The following CREBBP variants were observed in gnomAD, a reference collection of about 807,000 sequenced individuals.
The protein encoded by CREBBP is CREB binding lysine acetyltransferase.
In CREBBP, 19 loss-of-function variants were observed where a neutral mutation model predicts 265.0. That is an observed-to-expected ratio of 0.07 (90% CI 0.05 to 0.11). The LOEUF is 0.11. Among genes scored for constraint, CREBBP ranks in the 10% least tolerant of loss-of-function variants. The pLI, the probability that CREBBP is intolerant of heterozygous loss-of-function variation, is 1.00. For synonymous variants in CREBBP, 1,457 were observed against 1,223.7 expected (o/e 1.19, Z -3.98); for missense variants, 2,525 against 3,219.0 (o/e 0.78, Z 5.22).
At chr16:3,849,040 C>T (rs2054727287) in intron 2 of CREBBP, among the ~76,000 whole-genome samples, 1 of 152,162 alleles carries the variant, frequency 6.6e-6, no homozygotes, top group South Asian at 2.1e-4. Context: ...TACTCTTATT[C>T]TCCCTCACCC....
chr16:3,801,566 A>G (rs1166199630), intron 3 of CREBBP, among the ~76,000 whole-genome samples: 1 of 152,154 alleles, frequency 6.6e-6, no homozygotes, highest in Non-Finnish European at 1.5e-5. Context: ...GCTACTCGGG[A>G]GGCTGAGGCA....
chr16:3,827,100 C>A (rs556794371), intron 2 of CREBBP, among the ~76,000 whole-genome samples: 1 of 151,524 alleles, frequency 6.6e-6, no homozygotes, highest in Non-Finnish European at 1.5e-5. Flanking sequence ...GGCTGTAGTA[C>A]ACTATAATTG....
At chr16:3,764,910 A>G (rs1462269290) in intron 16 of CREBBP, among the ~76,000 whole-genome samples, 1 of 152,090 alleles carries the variant, frequency 6.6e-6, no homozygotes, top group Non-Finnish European at 1.5e-5. Flanking sequence ...GAGATAGTAA[A>G]AAGTATTCCT....
At chr16:3,767,494 G>A (rs1414068950) in intron 16 of CREBBP, 2 of 617,054 alleles carry the variant, frequency 3.2e-6, no homozygotes, top group Non-Finnish European at 5.6e-6. Context: ...GGGTGCCCTC[G>A]GAGCAGCAGC....
At chr16:3,786,100 T>C (rs1219483914) in intron 5 of CREBBP, among the ~76,000 whole-genome samples, 1 of 152,230 alleles carries the variant, frequency 6.6e-6, no homozygotes, top group Non-Finnish European at 1.5e-5. Flanking sequence ...CAGTGGCTCA[T>C]GCCTGTAATC....
At chr16:3,745,202 A>AT in intron 22 of CREBBP, 75 bp downstream of exon 22, 1 of 1,257,322 alleles carries the variant, frequency 8.0e-7, no homozygotes, top group Non-Finnish European at 1.1e-6. Flanking sequence ...AATGAATGAG[A>AT]TGCAGTAGCC....
At position 3,769,171 on chromosome 16, in the gene CREBBP, C is replaced by A. The variant is rs758263259; in HGVS notation, c.3060+3G>T. The A allele has an allele frequency of 1.9e-6, 3 of 1,614,022 alleles. No individual in the cohort carries two copies. Among genetic ancestry groups the A allele is most frequent in the Non-Finnish European group, 2.5e-6 (3 of 1,180,050 alleles). ...CAATGCATTCCTAGGGAGCGGCACC[C>A]ACCTCAGACCTGGGCTCCCCTTTGG... On this transcript the variant is annotated splice_donor_region_variant and intron_variant, in intron 15 of 30. Coordinates refer to ENST00000262367, the MANE Select transcript of CREBBP (RefSeq NM_004380.3).
At position 3,744,913 on chromosome 16, in the gene CREBBP, T is replaced by C; in HGVS notation, c.3963A>G (p.Glu1321=). 1 of 1,614,114 alleles carries C rather than the reference T, an allele frequency of 6.2e-7. No homozygotes were observed. The highest frequency in any genetic ancestry group is 1.1e-5 in the South Asian group (1 of 91,078). Residue 1321 remains glutamate (E), a synonymous_variant, in exon 23 of 31, where the codon GAA becomes GAG. Coordinates refer to ENST00000262367, the MANE Select transcript of CREBBP (RefSeq NM_004380.3). ...ACTTACTCTTAGCACTGAATTTGTTTTCTTTTCGAGGTCTGCCAGTTTTCT... is the reference window on the plus strand; with the variant it reads ...ACTTACTCTTAGCACTGAATTTGTTCTCTTTTCGAGGTCTGCCAGTTTTCT... The part of the protein sequence containing the change: ...CLKKTGRPRK[E]NKFSAKRLQT...
intron 1 of CREBBP, among the ~76,000 whole-genome samples, chr16:3,866,694 A>G (rs2055185550): frequency 6.6e-6 from 1 of 152,172 alleles, no homozygotes; most frequent in African/African-American, 2.4e-5. Flanking sequence ...AATGAAAAAC[A>G]GCCCCCAAAA....
At position 3,773,773 on chromosome 16, in the gene CREBBP, G is replaced by C. The variant is rs1322839266; in HGVS notation, c.2441C>G (p.Pro814Arg). 4 of 1,613,792 alleles carry C rather than the reference G, an allele frequency of 2.5e-6. No homozygotes were observed. The Admixed American group carries it at 6.7e-5, about 27-fold the overall frequency. ...TACCTGTGACACGCCTGTTTGGGCT[G>C]GCGGCTGCCCCATGCCCACACTCAT... ...GAMSVGMGQP[P>R]AQTGVSQGQV... Residue 814 changes from proline to arginine, a missense_variant, in exon 13 of 31, where the codon CCA becomes CGA. Transcript: ENST00000262367.
rs1388175135 is a variant in CREBBP, at chr16:3,778,086, C to T, written c.2038G>A (p.Gly680Arg). ...GGGGCTGGTAAGGCTGGCTGGTTCC[C>T]CAAGATGCCTTGTTTATGTAAACGC... ...RSRLHKQGIL[G>R]NQPALPAPGA... Residue 680 changes from glycine to arginine, a missense_variant, in exon 10 of 31, where the codon GGG becomes AGG. This residue lies in a region of CREBBP where 548 missense variants were observed against 533.0 expected (regional missense o/e 1.03). Transcript: ENST00000262367. 3 of 1,614,046 alleles carry T rather than the reference C, an allele frequency of 1.9e-6. No homozygotes were observed. The highest frequency in any genetic ancestry group is 1.7e-5 in the Admixed American group (1 of 60,002).
At position 3,727,717 on chromosome 16, in the gene CREBBP, G is replaced by C. The variant is rs2151297769; in HGVS notation, c.*1C>G. 3.1e-6 allele frequency: 5 copies of C among 1,614,052 alleles called. No individual in the cohort carries two copies. Among genetic ancestry groups the C allele is most frequent in the Non-Finnish European group, 4.2e-6 (5 of 1,180,024 alleles). On this transcript the variant is annotated 3_prime_UTR_variant, in exon 31 of 31. Coordinates refer to ENST00000262367, the MANE Select transcript of CREBBP (RefSeq NM_004380.3). ...AGGGAAAAGGTGATGCTCTCACAAT[G>C]CTACAAGCCCTCCACAAACTTCTCT... is the stretch of plus-strand genomic sequence containing the variant.
At position 3,729,160 on chromosome 16, in the gene CREBBP, C is replaced by T. The variant is rs1052651750; in HGVS notation, c.5887G>A (p.Glu1963Lys). 4 of 1,541,364 alleles carry T rather than the reference C, an allele frequency of 2.6e-6. No homozygotes were observed. Among genetic ancestry groups the T allele is most frequent in the African/African-American group, 1.4e-5 (1 of 72,054 alleles). The change falls in exon 31 of 31, where the codon GAG becomes AAG. Residue 1963 changes from glutamate (E) to lysine (K), a missense_variant. Glu to Lys is a moderately conservative substitution (Grantham distance 56). Transcript: ENST00000262367. ...TGCTGCTGCTGCTGGGCCTCACGCT[C>T]GATCTGCCGAGCCGCTTCCACCGCT... ...PAAVEAARQIEREAQQQQHLY... is the reference protein window; with the variant it reads ...PAAVEAARQIKREAQQQQHLY...
rs1346381434 is a variant in CREBBP, at chr16:3,778,830, C to T, written c.1824-13G>A. On this transcript the variant is annotated splice_polypyrimidine_tract_variant and intron_variant, in intron 8 of 30. Transcript: ENST00000262367. ...GATGGCTTGGACGCTGAAAGGATAA[C>T]ACATCTATCAAACTACTTTTTTTTT... 1 of 1,608,044 alleles carries T rather than the reference C, an allele frequency of 6.2e-7. No homozygotes were observed. Among genetic ancestry groups the T allele is most frequent in the Non-Finnish European group, 8.5e-7 (1 of 1,174,862 alleles).
intron 2 of CREBBP, among the ~76,000 whole-genome samples, chr16:3,838,225 G>A (rs183807531): frequency 6.6e-6 from 1 of 152,092 alleles, no homozygotes; most frequent in African/African-American, 2.4e-5. Context: ...TTAGCATTGT[G>A]GCACCGTGTT....
At chr16:3,775,273 C>G (rs1202303088) in intron 11 of CREBBP, among the ~76,000 whole-genome samples, 1 of 152,158 alleles carries the variant, frequency 6.6e-6, no homozygotes, top group African/African-American at 2.4e-5. Flanking sequence ...TAAGAAGTGC[C>G]CAAGGGTCAG....
intron 1 of CREBBP, among the ~76,000 whole-genome samples, chr16:3,852,938 T>C (rs1281987227): frequency 6.6e-6 from 1 of 151,312 alleles, no homozygotes; most frequent in Non-Finnish European, 1.5e-5. Context: ...TGTAGAAATA[T>C]GTTCATCTTA....
chr16:3,822,986 G>A (rs566169570), intron 2 of CREBBP, among the ~76,000 whole-genome samples: 1 of 152,114 alleles, frequency 6.6e-6, no homozygotes, highest in East Asian at 1.9e-4. Context: ...GTACCACAAA[G>A]GTGACTCTGA....
chr16:3,831,825 C>T (rs1004947359), intron 2 of CREBBP, among the ~76,000 whole-genome samples: 1 of 152,076 alleles, frequency 6.6e-6, no homozygotes, highest in South Asian at 2.1e-4. Flanking sequence ...GGCAAAACCC[C>T]TCCTCTACTA....
Sources: allele counts gnomAD v4.1 joint callset (sites outside exome capture counted in the v4.1 genomes callset), GRCh38; gene constraint gnomAD v4.1.1; regional missense constraint gnomAD v4.1.1; transcripts MANE v1.5; gene names NCBI Gene and HGNC (gene_info 2026-07-23, HGNC 2026-07-21).